The following CBL variants were observed in gnomAD, a reference collection of about 807,000 sequenced individuals.
CBL encodes Cbl proto-oncogene, also known as E3 ubiquitin-protein ligase CBL.
A neutral mutation model predicts 96.9 loss-of-function variants in CBL; 45 were observed. The ratio of observed to expected loss-of-function variants is 0.46; its 90% confidence interval spans 0.37 to 0.60. CBL has a LOEUF of 0.60. CBL is among the 20% of genes least tolerant of loss of function. CBL has a pLI of 0.00. For synonymous variants in CBL, 420 were observed against 426.8 expected (o/e 0.98, Z 0.20); for missense variants, 1,024 against 1,143.5 (o/e 0.90, Z 1.51).
At chr11:119,260,062 T>G (rs1949742826) in intron 2 of CBL, among the ~76,000 whole-genome samples, 1 of 152,146 alleles carries the variant, frequency 6.6e-6, no homozygotes, top group Admixed American at 6.6e-5. Context: ...ACCTGCTAGT[T>G]ATACTCATGT....
chr11:119,234,946 A>G (rs186560302), intron 2 of CBL, among the ~76,000 whole-genome samples: 9 of 152,300 alleles, frequency 5.9e-5, no homozygotes, highest in African/African-American at 1.9e-4. Flanking sequence ...AGGCTCTGGT[A>G]TGTTTAAAAT....
chr11:119,293,490 G>A (rs1198408280), intron 12 of CBL, among the ~76,000 whole-genome samples: 1 of 152,084 alleles, frequency 6.6e-6, no homozygotes, highest in African/African-American at 2.4e-5. Context: ...TGGCAAGACA[G>A]CCAAAATATC....
At chr11:119,228,224 C>T (rs865839826) in intron 1 of CBL, among the ~76,000 whole-genome samples, 1 of 152,206 alleles carries the variant, frequency 6.6e-6, no homozygotes, top group East Asian at 1.9e-4. Flanking sequence ...CCTCCCACCT[C>T]AGCCTCCTGA....
In CBL at chr11:119,306,391, G is replaced by A. The variant is rs536701116; in HGVS notation, c.*6610G>A. On this transcript the variant is annotated 3_prime_UTR_variant, in exon 16 of 16. Transcript: ENST00000264033. ...GTCCCAAAAATGAATGTCAGGCCCCGCCCCCTCCCCACCAACATTGCCTCT... is the reference window on the plus strand; with the variant it reads ...GTCCCAAAAATGAATGTCAGGCCCCACCCCCTCCCCACCAACATTGCCTCT... 4.0e-5 allele frequency: 16 copies of A among 395,290 alleles called. No homozygotes were observed. The East Asian group carries it at 4.3e-4, about 11-fold the overall frequency. 24.5% of individuals were successfully genotyped at this position (395,290 alleles called of 1,614,324 possible). A position where few individuals can be genotyped will look rare whatever the true frequency, so the allele number is the denominator to read the frequency against.
rs761328610 is a variant in CBL, at chr11:119,274,968, G to T, written c.869+15G>T. On this transcript the variant is annotated intron_variant, in intron 5 of 15. Transcript: ENST00000264033. ...AAACCTGGCAGGTCAGTTCAATGACGCAAAGAGATTTATTCTTCTGAATTT... is the reference window on the plus strand; with the variant it reads ...AAACCTGGCAGGTCAGTTCAATGACTCAAAGAGATTTATTCTTCTGAATTT... The T allele has an allele frequency of 1.2e-6, 2 of 1,610,494 alleles. No homozygotes were observed. The highest frequency in any genetic ancestry group is 2.2e-5 in the South Asian group (2 of 90,448).
At chr11:119,280,778 A>C (rs935940276) in intron 9 of CBL, among the ~76,000 whole-genome samples, 1 of 151,826 alleles carries the variant, frequency 6.6e-6, no homozygotes, top group Non-Finnish European at 1.5e-5. Flanking sequence ...TGATCTCTTC[A>C]CCTCAGATGT....
At chr11:119,229,748 A>G (rs1022576954) in intron 1 of CBL, among the ~76,000 whole-genome samples, 19 of 150,206 alleles carry the variant, frequency 1.3e-4, no homozygotes, top group Non-Finnish European at 2.7e-4. Context: ...TTTTTTCTTG[A>G]GACCAGAATC....
intron 1 of CBL, among the ~76,000 whole-genome samples, chr11:119,225,049 G>GGTGTGT (rs143591231): frequency 5.4e-5 from 8 of 148,892 alleles, no homozygotes; most frequent in African/African-American, 1.7e-4. Flanking sequence ...AACTCTTTGG[G>GGTGTGT]GTGTGTGTGT....
At chr11:119,267,745 A>C (rs2135293338) in intron 2 of CBL, among the ~76,000 whole-genome samples, 1 of 152,346 alleles carries the variant, frequency 6.6e-6, no homozygotes, top group Non-Finnish European at 1.5e-5. Context: ...TAGGCACTCA[A>C]ATGTTTTCTG....
intron 2 of CBL, among the ~76,000 whole-genome samples, chr11:119,251,159 T>C (rs983365001): frequency 1.3e-5 from 2 of 152,182 alleles, no homozygotes; most frequent in African/African-American, 4.8e-5. Context: ...CCTATCCTTC[T>C]TCCCTTACTC....
Position 119,301,975 on chromosome 11 carries a change from G to T in CBL, c.*2194G>T. ...CTGCAGATATTGCCTGTAGTCTAAA[G>T]ATCTCTTTGGAAGACAAAGCATTGG... On this transcript the variant is annotated 3_prime_UTR_variant, in exon 16 of 16. Transcript: ENST00000264033. The T allele has an allele frequency of 4.3e-6, 1 of 233,036 alleles. No homozygotes were observed. Among genetic ancestry groups the T allele is most frequent in the Non-Finnish European group, 8.5e-6 (1 of 117,952 alleles). 14.4% of individuals were successfully genotyped at this position (233,036 alleles called of 1,614,324 possible).
Position 119,273,798 on chromosome 11 carries a change from C to G in CBL, c.591-70C>G, listed in dbSNP as rs78448854. 4,280 of 1,396,498 alleles carry G rather than the reference C, an allele frequency of 3.1e-3. 40 individuals are homozygous for G. In the East Asian group the frequency reaches 0.037, roughly 12 times the overall value. 86.5% of individuals were successfully genotyped at this position (1,396,498 alleles called of 1,614,324 possible). A position where few individuals can be genotyped will look rare whatever the true frequency, so the allele number is the denominator to read the frequency against. ...GCTTAATGTGGCTCTCCTTCCTTTC[C>G]TTGATTATGGCGATGCCTGGAATTA... On this transcript the variant is annotated intron_variant, in intron 3 of 15. Transcript: ENST00000264033.
intron 2 of CBL, among the ~76,000 whole-genome samples, chr11:119,252,926 G>A (rs147478979): frequency 2.0e-4 from 31 of 151,576 alleles, no homozygotes; most frequent in African/African-American, 6.5e-4. Context: ...AAATCACTAG[G>A]TTGAGGTTTT....
chr11:119,271,288 A>C (rs929884390), intron 2 of CBL, among the ~76,000 whole-genome samples: 8 of 152,220 alleles, frequency 5.3e-5, no homozygotes, highest in African/African-American at 1.9e-4. Flanking sequence ...CATCCTAAAA[A>C]AGTAAATTTG....
rs1592400724 is a variant in CBL, at chr11:119,278,029, A to AT, written c.1096-136dup. 4 of 910,454 alleles carry AT rather than the reference A, an allele frequency of 4.4e-6. No homozygotes were observed. The East Asian group carries it at 1.1e-4, about 24-fold the overall frequency. 56.4% of individuals were successfully genotyped at this position (910,454 alleles called of 1,614,324 possible). A position where few individuals can be genotyped will look rare whatever the true frequency, so the allele number is the denominator to read the frequency against. On this transcript the variant is annotated intron_variant, in intron 7 of 15. Coordinates refer to ENST00000264033, the MANE Select transcript of CBL (RefSeq NM_005188.4). ...CCCAGACTAGATGCTTTCTGGTTTAATAAAAAATAAACCACTGTTGTGACA... is the reference window on the plus strand; with the variant it reads ...CCCAGACTAGATGCTTTCTGGTTTAATTAAAAAATAAACCACTGTTGTGACA...
In CBL at chr11:119,278,232, G is replaced by C. The variant is rs911329155; in HGVS notation, c.1162G>C (p.Asp388His). The change falls in exon 8 of 16, where the codon GAT (aspartate) becomes CAT (histidine). Residue 388 changes from aspartate (D) to histidine (H), a missense_variant. Coordinates refer to ENST00000264033, the MANE Select transcript of CBL (RefSeq NM_005188.4). ...FQLCKICAENDKDVKIEPCGH... is the reference protein window; with the variant it reads ...FQLCKICAENHKDVKIEPCGH... ...ACTATGTAAAATATGTGCTGAAAAT[G>C]ATAAGGATGTAAAGATTGAGCCCTG... is the stretch of plus-strand genomic sequence containing the variant. The C allele has an allele frequency of 6.2e-7, 1 of 1,612,604 alleles. No homozygotes were observed. The highest frequency in any genetic ancestry group is 8.5e-7 in the Non-Finnish European group (1 of 1,178,720).
Position 119,301,535 on chromosome 11 carries a change from C to T in CBL, c.*1754C>T. ...ACCCTCCTTGGATCAGTTTTCTTTC[C>T]AGTCTAATCATCTTTGGAACTAAAA... On this transcript the variant is annotated 3_prime_UTR_variant, in exon 16 of 16. Transcript: ENST00000264033. 1 of 233,226 alleles carries T rather than the reference C, an allele frequency of 4.3e-6. No homozygotes were observed. The highest frequency in any genetic ancestry group is 8.5e-6 in the Non-Finnish European group (1 of 118,034). 14.4% of individuals were successfully genotyped at this position (233,226 alleles called of 1,614,324 possible).
chr11:119,268,697 G>A (rs1592395561), intron 2 of CBL, among the ~76,000 whole-genome samples: 2 of 152,242 alleles, frequency 1.3e-5, no homozygotes, highest in East Asian at 3.9e-4. Flanking sequence ...AGATTCTTGG[G>A]AAATACCGCT....
At chr11:119,270,397 C>T (rs1315618454) in intron 2 of CBL, among the ~76,000 whole-genome samples, 1 of 134,064 alleles carries the variant, frequency 7.5e-6, no homozygotes, top group Non-Finnish European at 1.5e-5. Flanking sequence ...AGGCGCACAC[C>T]ACCATGGTCA....
Sources: allele counts gnomAD v4.1 joint callset (sites outside exome capture counted in the v4.1 genomes callset), GRCh38; gene constraint gnomAD v4.1.1; transcripts MANE v1.5; gene names NCBI Gene and HGNC (gene_info 2026-07-23, HGNC 2026-07-21).